Variants in NRXN1 observed in about 807,000 individuals in gnomAD.
NRXN1 encodes the protein neurexin 1.
In NRXN1, 39 loss-of-function variants were observed where a neutral mutation model predicts 150.9. That is an observed-to-expected ratio of 0.26 (90% confidence interval 0.20 to 0.34). NRXN1 has a LOEUF of 0.34. NRXN1 is among the 10% of genes least tolerant of loss of function. NRXN1 has a pLI of 1.00. For missense variants in NRXN1, 1,815 were observed against 1,949.9 expected (o/e 0.93, Z 1.30); for synonymous variants, 924 against 757.0 (o/e 1.22, Z -3.62).
chr2:50,014,100 T>G (rs79204762), intron 21 of NRXN1, among the ~76,000 whole-genome samples: 54,914 of 151,712 alleles, frequency 0.36, 10,624 homozygotes, highest in South Asian at 0.45. Flanking sequence ...AGCTTGTTTT[T>G]TTTTTGTTTT....
chr2:50,649,548 G>C (rs1381822272), intron 5 of NRXN1, among the ~76,000 whole-genome samples: 1 of 151,874 alleles, frequency 6.6e-6, no homozygotes, highest in Non-Finnish European at 1.5e-5. Context: ...TAGTGAGATT[G>C]GTTGGTTTTG....
chr2:50,410,447 G>A (rs1438552159), intron 17 of NRXN1, among the ~76,000 whole-genome samples: 2 of 152,148 alleles, frequency 1.3e-5, no homozygotes, highest in Admixed American at 6.5e-5. Flanking sequence ...AACTGCACAT[G>A]TGCAATGCAT....
intron 5 of NRXN1, among the ~76,000 whole-genome samples, chr2:50,797,020 C>CCTTCT (rs1364932669): frequency 2.6e-5 from 4 of 152,044 alleles, no homozygotes; most frequent in African/African-American, 9.7e-5. Flanking sequence ...AAGACAGCTC[C>CCTTCT]CTTCTTTTAT....
intron 17 of NRXN1, among the ~76,000 whole-genome samples, chr2:50,400,116 T>G (rs2082302700): frequency 6.6e-6 from 1 of 152,024 alleles, no homozygotes; most frequent in South Asian, 2.1e-4. Context: ...CTACAGATTG[T>G]TCCCTTCACC....
At chr2:50,518,189 TTAAA>T (rs1292054956) in intron 12 of NRXN1, among the ~76,000 whole-genome samples, 20 of 152,074 alleles carry the variant, frequency 1.3e-4, no homozygotes, top group African/African-American at 4.6e-4. Context: ...TGAACACAAA[TTAAA>T]TAAATATATT....
chr2:50,888,563 T>G (rs1216355880), intron 5 of NRXN1, among the ~76,000 whole-genome samples: 1 of 151,564 alleles, frequency 6.6e-6, no homozygotes, highest in Non-Finnish European at 1.5e-5. Context: ...TCCCTCTCTC[T>G]CTCACTCTCT....
At chr2:50,587,128 T>C (rs1673265171) in intron 8 of NRXN1, among the ~76,000 whole-genome samples, 1 of 152,304 alleles carries the variant, frequency 6.6e-6, no homozygotes. Context: ...ACAGTTGGGT[T>C]TTGCTGCAAA....
intron 5 of NRXN1, among the ~76,000 whole-genome samples, chr2:50,854,186 T>C (rs1364225383): frequency 6.6e-6 from 1 of 152,040 alleles, no homozygotes; most frequent in Non-Finnish European, 1.5e-5. Context: ...GCTTATTATT[T>C]GAATAGCCAT....
rs1575021890 is a variant in NRXN1 at position 50,947,784 on chromosome 2, T to G, written c.773-21829A>C. Among the ~76,000 whole-genome samples the G allele has an allele frequency of 2.0e-5, 3 of 152,054 alleles. No homozygotes were observed. In the South Asian group the frequency reaches 6.2e-4, roughly 31 times the overall value. Reference sequence around the variant, plus strand: ...AAAGCTACGAAGGGTTTCCCTCATTTCCAGTGAAATAGACATGTATAATAT... The same window carrying G: ...AAAGCTACGAAGGGTTTCCCTCATTGCCAGTGAAATAGACATGTATAATAT... On this transcript the variant is annotated intron_variant, in intron 2 of 22. Transcript: ENST00000401669.
intron 17 of NRXN1, among the ~76,000 whole-genome samples, chr2:50,298,752 C>A (rs1483235128): frequency 6.6e-6 from 1 of 152,078 alleles, no homozygotes; most frequent in Non-Finnish European, 1.5e-5. Context: ...ATGTCTTATT[C>A]TACACATAAT....
At chr2:50,773,807 A>C (rs1703288584) in intron 5 of NRXN1, among the ~76,000 whole-genome samples, 1 of 152,102 alleles carries the variant, frequency 6.6e-6, no homozygotes. Context: ...GACAAGGTTG[A>C]GTCTCCATGG....
intron 5 of NRXN1, among the ~76,000 whole-genome samples, chr2:50,716,313 C>A (rs1485152991): frequency 2.6e-5 from 4 of 152,044 alleles, no homozygotes; most frequent in Non-Finnish European, 5.9e-5. Flanking sequence ...AAAAACTAAA[C>A]CAATTTCTGT....
At chr2:50,560,799 T>G (rs1668955714) in intron 8 of NRXN1, among the ~76,000 whole-genome samples, 1 of 152,086 alleles carries the variant, frequency 6.6e-6, no homozygotes, top group South Asian at 2.1e-4. Context: ...AGGCAGCAAG[T>G]TGATCTTTTT....
At chr2:50,452,410 A>C (rs1221855525) in intron 17 of NRXN1, among the ~76,000 whole-genome samples, 1 of 152,210 alleles carries the variant, frequency 6.6e-6, no homozygotes, top group Non-Finnish European at 1.5e-5. Flanking sequence ...TACAGACCTT[A>C]AAGACAAGGC....
chr2:50,639,525 T>C (rs1043515487), intron 5 of NRXN1, among the ~76,000 whole-genome samples: 3 of 151,970 alleles, frequency 2.0e-5, no homozygotes, highest in Non-Finnish European at 4.4e-5. Context: ...CCGGACACTT[T>C]TCTGCATTTT....
chr2:50,026,078 TA>T lies in NRXN1; in HGVS notation c.4128+27192del, dbSNP rs1688237398. On this transcript the variant is annotated intron_variant, in intron 21 of 22. Coordinates refer to ENST00000401669, the MANE Select transcript of NRXN1 (RefSeq NM_001330078.2). ...TTGCAGACATGGCATACTGTGTGCA[TA>T]AAAAACTTCCTTAGAAAATACATCA... Among the ~76,000 whole-genome samples the T allele has an allele frequency of 2.6e-5, 4 of 152,158 alleles. No individual in the cohort carries two copies. The South Asian group carries it at 8.3e-4, about 31-fold the overall frequency.
chr2:50,364,259 C>A (rs2079430476), intron 17 of NRXN1, among the ~76,000 whole-genome samples: 1 of 151,948 alleles, frequency 6.6e-6, no homozygotes, highest in African/African-American at 2.4e-5. Context: ...TTAGCAAACA[C>A]CAGCTTAAAT....
intron 21 of NRXN1, chr2:49,974,205 G>C: frequency 2.9e-6 from 2 of 699,732 alleles, no homozygotes; most frequent in South Asian, 1.5e-5. Flanking sequence ...CACAGAAAAC[G>C]CTCTGTCAGT....
intron 5 of NRXN1, among the ~76,000 whole-genome samples, chr2:50,860,030 T>C (rs1192315011): frequency 6.6e-6 from 1 of 152,066 alleles, no homozygotes; most frequent in Non-Finnish European, 1.5e-5. Context: ...TTTTTAATCT[T>C]TTAAAATCTA....
Sources: gnomAD v4.1 joint callset for allele counts (sites outside exome capture counted in the v4.1 genomes callset) on GRCh38, gnomAD v4.1.1 for gene constraint, MANE v1.5 for transcripts, NCBI Gene and HGNC (gene_info 2026-07-23, HGNC 2026-07-21) for gene names.